Variants in PCDHA5 observed in about 807,000 individuals in gnomAD.
The protein encoded by PCDHA5 is protocadherin alpha-5.
A neutral mutation model predicts 61.6 loss-of-function variants in PCDHA5; 43 were observed. The ratio of observed to expected loss-of-function variants is 0.70; its 90% CI spans 0.55 to 0.90. The LOEUF (loss-of-function observed/expected upper bound fraction) is 0.90, where lower values mean the gene tolerates loss of function less well. Among genes scored for constraint, PCDHA5 ranks in the 40% least tolerant of loss-of-function variants. The probability of loss-of-function intolerance (pLI) is 0.00; values close to 1 mark genes in which losing one functional copy is unlikely to be tolerated. For missense variants in PCDHA5, 1,298 were observed against 1,222.7 expected (o/e 1.06, Z -0.92); for synonymous variants, 627 against 543.9 (o/e 1.15, Z -2.13).
chr5:140,952,977 C>T (rs148504111), intron 1 of PCDHA5, among the ~76,000 whole-genome samples: 2 of 152,182 alleles, frequency 1.3e-5, no homozygotes, highest in East Asian at 3.9e-4. Context: ...TTTTAAACAA[C>T]AAGATCTCAT....
At chr5:140,869,304 G>A (rs1554162871) in intron 1 of PCDHA5, 3 of 1,613,648 alleles carry the variant, frequency 1.9e-6, no homozygotes, top group South Asian at 1.1e-5. Context: ...TCCGGGTGGC[G>A]TCCAAAACAC....
Position 140,828,776 on chromosome 5 carries a change from C to T in PCDHA5, c.2352+4649C>T, listed in dbSNP as rs200187130. ...TGAGCTCACAGGCACTGTTCAGCTG[C>T]TGGTCACAGTGCTGGATGTGAATGA... On this transcript the variant is annotated intron_variant, in intron 1 of 3. Transcript: ENST00000529859. 318 of 1,614,178 alleles carry T rather than the reference C, an allele frequency of 2.0e-4. No homozygotes were observed. The East Asian group carries it at 7.0e-3, about 35-fold the overall frequency.
In PCDHA5 at chr5:140,877,291, C is replaced by G. The variant is rs527823173; in HGVS notation, c.2352+53164C>G. On this transcript the variant is annotated intron_variant, in intron 1 of 3. Coordinates refer to ENST00000529859, the MANE Select transcript of PCDHA5 (RefSeq NM_018908.3). ...CGCTGACTCCGGCTATAACGCTTGG[C>G]TGTCCTACGAGTTGCAACCGGCGGC... 4 of 1,613,932 alleles carry G rather than the reference C, an allele frequency of 2.5e-6. No homozygotes were observed. In the African/African-American group the frequency reaches 4.0e-5, roughly 16 times the overall value.
At chr5:140,828,155 G>A in intron 1 of PCDHA5, 1 of 1,614,122 alleles carries the variant, frequency 6.2e-7, no homozygotes, top group Non-Finnish European at 8.5e-7. Flanking sequence ...TCTGCTCCTC[G>A]CAGCCTGGAA....
chr5:140,875,902 G>C (rs192382804), intron 1 of PCDHA5: 14 of 1,614,160 alleles, frequency 8.7e-6, no homozygotes, highest in Non-Finnish European at 1.2e-5. Flanking sequence ...ACCTGTTTCT[G>C]AATCTGCGCC....
At chr5:140,928,701 G>A (rs782369096) in intron 1 of PCDHA5, 53 of 1,614,014 alleles carry the variant, frequency 3.3e-5, no homozygotes, top group Admixed American at 2.0e-4. Context: ...TCTCCCGGGC[G>A]TCTGACTCTA....
At chr5:140,962,220 T>A (rs1174731292) in intron 1 of PCDHA5, among the ~76,000 whole-genome samples, 2 of 152,186 alleles carry the variant, frequency 1.3e-5, no homozygotes, top group African/African-American at 4.8e-5. Flanking sequence ...GATCTTGAGG[T>A]TCAAGTTTCA....
chr5:140,927,948 C>G, intron 1 of PCDHA5: 4 of 1,614,190 alleles, frequency 2.5e-6, no homozygotes, highest in Non-Finnish European at 3.4e-6. Flanking sequence ...TACCTGAGGA[C>G]GCTGCCCCTG....
chr5:140,844,595 A>G (rs2150372413), intron 1 of PCDHA5, among the ~76,000 whole-genome samples: 1 of 149,668 alleles, frequency 6.7e-6, no homozygotes, highest in East Asian at 1.9e-4. Flanking sequence ...GATATTTAAT[A>G]TATGACTTAG....
At chr5:140,943,726 A>G (rs181662166) in intron 1 of PCDHA5, among the ~76,000 whole-genome samples, 8 of 152,372 alleles carry the variant, frequency 5.3e-5, no homozygotes, top group Middle Eastern at 3.4e-3. Flanking sequence ...GTCTGAGAGA[A>G]TGAAAGTCCA....
intron 1 of PCDHA5, chr5:140,869,122 A>G (rs1562622538): frequency 2.5e-6 from 4 of 1,607,706 alleles, no homozygotes; most frequent in Non-Finnish European, 3.4e-6. Flanking sequence ...TTTTCAGAGA[A>G]GGGGATTGGG....
chr5:140,968,159 A>T, intron 1 of PCDHA5: 6 of 1,614,136 alleles, frequency 3.7e-6, no homozygotes, highest in Non-Finnish European at 4.2e-6. Flanking sequence ...CATCAATGAC[A>T]ATCCACCAAG....
At chr5:140,922,002 A>G (rs138196210) in intron 1 of PCDHA5, among the ~76,000 whole-genome samples, 100 of 152,130 alleles carry the variant, frequency 6.6e-4, no homozygotes, top group Admixed American at 1.6e-3. Flanking sequence ...CAATGAAATG[A>G]TTAGTTTAAA....
At chr5:140,902,257 C>T (rs1450183542) in intron 1 of PCDHA5, among the ~76,000 whole-genome samples, 2 of 140,176 alleles carry the variant, frequency 1.4e-5, no homozygotes, top group South Asian at 2.2e-4. Context: ...AGGCTGGTCT[C>T]GAACTCCTGG....
At chr5:140,910,013 C>T (rs185824848) in intron 1 of PCDHA5, among the ~76,000 whole-genome samples, 4 of 152,256 alleles carry the variant, frequency 2.6e-5, no homozygotes, top group Non-Finnish European at 1.5e-5. Context: ...CAGTGTCATC[C>T]TTGTATCCCT....
intron 1 of PCDHA5, among the ~76,000 whole-genome samples, chr5:140,832,632 C>T (rs1197058685): frequency 1.3e-5 from 2 of 151,992 alleles, no homozygotes; most frequent in Admixed American, 6.6e-5. Context: ...TAAAAAGTTC[C>T]TAGGAGGGTC....
chr5:140,938,261 A>G (rs1325957872), intron 1 of PCDHA5, among the ~76,000 whole-genome samples: 2 of 152,182 alleles, frequency 1.3e-5, no homozygotes, highest in Non-Finnish European at 2.9e-5. Flanking sequence ...AAAACTTTCT[A>G]ATCACATAGT....
intron 1 of PCDHA5, among the ~76,000 whole-genome samples, chr5:140,934,631 G>A (rs2089960013): frequency 6.6e-6 from 1 of 151,984 alleles, no homozygotes; most frequent in African/African-American, 2.4e-5. Flanking sequence ...GTTCACACAG[G>A]AAAGGCAGGA....
intron 3 of PCDHA5, among the ~76,000 whole-genome samples, chr5:141,009,295 A>AT (rs1258767808): frequency 6.6e-6 from 1 of 152,030 alleles, no homozygotes; most frequent in African/African-American, 2.4e-5. Flanking sequence ...TTTCTATAAA[A>AT]TTTTTTTTAA....
Sources: allele counts gnomAD v4.1 joint callset (sites outside exome capture counted in the v4.1 genomes callset), GRCh38; gene constraint gnomAD v4.1.1; transcripts MANE v1.5; gene names NCBI Gene and HGNC (gene_info 2026-07-23, HGNC 2026-07-21).